The following ZNF138 variants were observed in gnomAD, a reference collection of about 807,000 sequenced individuals.
The protein encoded by ZNF138 is zinc finger protein 138 (clone pHZ-32).
ZNF138 carries 33 observed loss-of-function variants against 33.0 expected under a neutral mutation model. The ratio of observed to expected loss-of-function variants is 1.00; its 90% CI spans 0.76 to 1.34. The LOEUF (loss-of-function observed/expected upper bound fraction) is 1.34. ZNF138 is among the 40% of genes most tolerant of loss of function. The pLI is 0.00. For missense variants in ZNF138, 360 were observed against 370.8 expected, an observed-to-expected ratio of 0.97 and a Z score of 0.24; for synonymous variants, 139 against 120.4, an observed-to-expected ratio of 1.15 and a Z score of -1.01.
At chr7:64,823,336 T>G (rs139436924) in intron 3 of ZNF138, among the ~76,000 whole-genome samples, 2 of 152,042 alleles carry the variant, frequency 1.3e-5, no homozygotes, top group Admixed American at 6.6e-5. Flanking sequence ...TGGTTTTAAA[T>G]GCATTTGTTG....
At chr7:64,854,627 AC>A in the ZNF138 span, among the ~76,000 whole-genome samples, 778 of 152,360 alleles carry the variant, frequency 5.1e-3, 5 homozygotes, top group Non-Finnish European at 8.7e-3. Flanking sequence ...TTAGAAAAAA[AC>A]ATTTGAAATG....
intron 3 of ZNF138, among the ~76,000 whole-genome samples, chr7:64,830,214 A>G (rs370705680): frequency 6.6e-6 from 1 of 152,152 alleles, no homozygotes; most frequent in African/African-American, 2.4e-5. Flanking sequence ...GACTTTTTAA[A>G]TTGTGCTTAT....
At chr7:64,846,450 T>C in the ZNF138 span, among the ~76,000 whole-genome samples, 1 of 152,230 alleles carries the variant, frequency 6.6e-6, no homozygotes, top group Non-Finnish European at 1.5e-5. Context: ...AGTAGTGTTT[T>C]GTAGTTTTCC....
the ZNF138 span, among the ~76,000 whole-genome samples, chr7:64,840,063 G>A: frequency 3.3e-5 from 5 of 152,064 alleles, no homozygotes; most frequent in African/African-American, 7.2e-5. Flanking sequence ...CGCGTTAGTC[G>A]GGGTGGTGGG....
chr7:64,814,504 C>T (rs1169454599), intron 1 of ZNF138, among the ~76,000 whole-genome samples: 1 of 152,156 alleles, frequency 6.6e-6, no homozygotes, highest in Non-Finnish European at 1.5e-5. Context: ...TGGTGGCTCA[C>T]ACCTGTAATC....
intron 1 of ZNF138, among the ~76,000 whole-genome samples, chr7:64,814,558 A>G (rs918114398): frequency 6.6e-6 from 1 of 152,114 alleles, no homozygotes; most frequent in Admixed American, 6.6e-5. Context: ...CGAGGTCAGG[A>G]GTTCGAGACC....
intron 3 of ZNF138, among the ~76,000 whole-genome samples, chr7:64,818,881 T>G (rs13230564): frequency 0.63 from 95,307 of 152,060 alleles, 30,341 homozygotes; most frequent in African/African-American, 0.71. Context: ...CTTCCATGAG[T>G]ACACAGTCAA....
chr7:64,809,495 ACCCCC>A (rs1394710925), intron 1 of ZNF138, among the ~76,000 whole-genome samples: 7 of 350 alleles, frequency 0.02, no homozygotes, highest in South Asian at 0.17. Context: ...CGGGGGGCTG[ACCCCC>A]CCCACCTCCC....
chr7:64,821,057 G>GTT (rs71061314), intron 3 of ZNF138, among the ~76,000 whole-genome samples: 3 of 146,688 alleles, frequency 2.0e-5, no homozygotes, highest in Non-Finnish European at 3.0e-5. Flanking sequence ...TTTGTTTTTG[G>GTT]TTTTTTTGTT....
chr7:64,799,084 A>G (rs1306901655), intron 1 of ZNF138, among the ~76,000 whole-genome samples: 1 of 152,076 alleles, frequency 6.6e-6, no homozygotes, highest in African/African-American at 2.4e-5. Flanking sequence ...TCTGTTAAGA[A>G]TGTTTTTGGT....
chr7:64,808,838 C>T (rs1174753279), intron 1 of ZNF138, among the ~76,000 whole-genome samples: 1 of 133,880 alleles, frequency 7.5e-6, no homozygotes. Flanking sequence ...CATCTTGCAC[C>T]GCCCTTAATC....
chr7:64,859,343 T>C, the ZNF138 span, among the ~76,000 whole-genome samples: 1 of 152,258 alleles, frequency 6.6e-6, no homozygotes, highest in Admixed American at 6.5e-5. Flanking sequence ...AGATTCAGTT[T>C]AAAAAAGTTT....
chr7:64,825,133 G>A (rs1217824009), intron 3 of ZNF138, among the ~76,000 whole-genome samples: 1 of 129,226 alleles, frequency 7.7e-6, no homozygotes, highest in Non-Finnish European at 1.6e-5. Context: ...TGAGTCTCTT[G>A]TAGGCCGCAT....
chr7:64,831,186 T>C (rs1790051431), intron 3 of ZNF138: 2 of 1,403,586 alleles, frequency 1.4e-6, no homozygotes, highest in Non-Finnish European at 1.9e-6. Context: ...GTTGGGTAAA[T>C]GTAACAGACT....
rs1264243235 is a variant in ZNF138 at position 64,831,698 on chromosome 7, AAATTCAAATAGACAC to A, written c.459_473del (p.Asn153_His157del). On this transcript the variant is annotated inframe_deletion, in exon 4 of 4. Transcript: ENST00000307355. ...ATGTAAAAGTCATGCATAAATTTTC[AAATTCAAATAGACAC>A]AAGATAAGACATACTGAAAATAAAC... The A allele has an allele frequency of 6.2e-7, 1 of 1,607,454 alleles. No homozygotes were observed. Among genetic ancestry groups the A allele is most frequent in the South Asian group, 1.1e-5 (1 of 89,200 alleles).
At chr7:64,843,907 C>G in the ZNF138 span, among the ~76,000 whole-genome samples, 17 of 152,190 alleles carry the variant, frequency 1.1e-4, no homozygotes, top group African/African-American at 4.1e-4. Context: ...TCACTGCGTC[C>G]TTCACCTCCC....
At position 64,832,308 on chromosome 7, in the gene ZNF138, A is replaced by T; in HGVS notation, c.*106A>T. 1 of 1,580,222 alleles carries T rather than the reference A, an allele frequency of 6.3e-7. No homozygotes were observed. The highest frequency in any genetic ancestry group is 8.6e-7 in the Non-Finnish European group (1 of 1,165,874). ...TTCAACCCTTATTACACATAAGATA[A>T]TTCATAGCGGAGAGAAACCCCACAA... is the stretch of plus-strand genomic sequence containing the variant. On this transcript the variant is annotated 3_prime_UTR_variant, in exon 4 of 4. Transcript: ENST00000307355.
chr7:64,842,024 G>A, the ZNF138 span, among the ~76,000 whole-genome samples: 1 of 152,236 alleles, frequency 6.6e-6, no homozygotes, highest in East Asian at 1.9e-4. Flanking sequence ...TAGTGGTGAG[G>A]AATTTTAAAT....
At chr7:64,822,506 A>G (rs2129008918) in intron 3 of ZNF138, among the ~76,000 whole-genome samples, 1 of 151,604 alleles carries the variant, frequency 6.6e-6, no homozygotes, top group Non-Finnish European at 1.5e-5. Context: ...TTAATTTATC[A>G]GTGTTATCCA....
Sources: allele counts gnomAD v4.1 joint callset (sites outside exome capture counted in the v4.1 genomes callset), GRCh38; gene constraint gnomAD v4.1.1; transcripts MANE v1.5; gene names NCBI Gene and HGNC (gene_info 2026-07-23, HGNC 2026-07-21).